Variants in KCTD1 observed in about 807,000 individuals in gnomAD.
The protein encoded by KCTD1 is BTB/POZ domain-containing protein KCTD1.
In KCTD1, 24 loss-of-function variants were observed where a neutral mutation model predicts 66.0. The observed-to-expected ratio is 0.36, with a 90% CI of 0.26 to 0.51. The LOEUF (loss-of-function observed/expected upper bound fraction) is 0.51, where lower values mean the gene tolerates loss of function less well. Among genes scored for constraint, KCTD1 ranks in the 20% least tolerant of loss-of-function variants. The probability of loss-of-function intolerance (pLI) is 0.95; values close to 1 mark genes in which losing one functional copy is unlikely to be tolerated. For missense variants in KCTD1, 943 were observed against 1,205.2 expected (o/e 0.78, Z 3.22); for synonymous variants, 511 against 517.2 (o/e 0.99, Z 0.16).
At chr18:26,599,746 G>C in intron 1 of KCTD1, 1 of 1,574,020 alleles carries the variant, frequency 6.4e-7, no homozygotes, top group African/African-American at 1.3e-5. Flanking sequence ...CAGCATCTAA[G>C]CTGTGTTCAC....
At chr18:26,525,579 C>T (rs1984118726) in intron 1 of KCTD1, among the ~76,000 whole-genome samples, 1 of 152,226 alleles carries the variant, frequency 6.6e-6, no homozygotes, top group Non-Finnish European at 1.5e-5. Flanking sequence ...TGGTCAGCCT[C>T]TTCCTGCCTT....
At position 26,476,582 on chromosome 18, in the gene KCTD1, C is replaced by T; in HGVS notation, c.2066G>A (p.Gly689Glu). 6.2e-7 allele frequency: 1 copy of T among 1,613,512 alleles called. No homozygotes were observed. Among genetic ancestry groups the T allele is most frequent in the Non-Finnish European group, 8.5e-7 (1 of 1,179,630 alleles). Residue 689 changes from glycine (G) to glutamate (E), a missense_variant, in exon 3 of 5, where the codon GGA (glycine) becomes GAA (glutamate). Gly to Glu is a moderately conservative substitution (Grantham distance 98). Transcript: ENST00000580059. This position sits in a 1 kb window ranked among gnomAD's most constrained non-coding sequence, Gnocchi z 4.9. ...LKQHYFIDRD[G>E]QMFRYILNFL... ...ATTCAAGATATATCTGAACATCTGT[C>T]CATCTCTGTCAATGAAATAGTGCTG...
At chr18:26,500,438 A>G (rs553224274) in intron 2 of KCTD1, among the ~76,000 whole-genome samples, 2 of 151,912 alleles carry the variant, frequency 1.3e-5, no homozygotes, top group East Asian at 1.9e-4. Context: ...TAATAATAAT[A>G]AAAAAAATGG....
upstream of KCTD1, among the ~76,000 whole-genome samples, chr18:26,550,012 C>T (rs1373231104): frequency 6.6e-6 from 1 of 152,154 alleles, no homozygotes; most frequent in East Asian, 1.9e-4. This position sits in a 1 kb window ranked among gnomAD's most constrained non-coding sequence, Gnocchi z 5.4. Flanking sequence ...AGGCCACTCT[C>T]GGAGCTCGTG....
chr18:26,619,706 T>C (rs1419936662), intron 1 of KCTD1, among the ~76,000 whole-genome samples: 2 of 152,108 alleles, frequency 1.3e-5, no homozygotes, highest in South Asian at 4.1e-4. Flanking sequence ...GCTTGTAAAA[T>C]AGAAGCACGG....
At chr18:26,649,729 C>T (rs11083177) in intron 1 of KCTD1, among the ~76,000 whole-genome samples, 10,535 of 152,128 alleles carry the variant, frequency 0.069, 651 homozygotes, top group East Asian at 0.29. Flanking sequence ...AGGATGGTCT[C>T]GATATCCTGA....
At chr18:26,502,574 G>A (rs963325756) in intron 1 of KCTD1, among the ~76,000 whole-genome samples, 1 of 152,090 alleles carries the variant, frequency 6.6e-6, no homozygotes, top group Non-Finnish European at 1.5e-5. Context: ...ATCAAAACAC[G>A]GTTGTTTGCT....
intron 1 of KCTD1, among the ~76,000 whole-genome samples, chr18:26,635,148 ATAT>A (rs548542702): frequency 1.4e-3 from 216 of 152,190 alleles, no homozygotes; most frequent in African/African-American, 4.5e-3. Flanking sequence ...TTGCATTAAA[ATAT>A]TATTTATCTC....
chr18:26,584,000 T>C (rs563088137), intron 1 of KCTD1, among the ~76,000 whole-genome samples: 2 of 152,214 alleles, frequency 1.3e-5, no homozygotes, highest in African/African-American at 4.8e-5. Flanking sequence ...AGTCCACAGA[T>C]CAAGAAATAA....
At chr18:26,562,450 G>T (rs868754745) in intron 1 of KCTD1, among the ~76,000 whole-genome samples, 12 of 150,870 alleles carry the variant, frequency 8.0e-5, no homozygotes, top group Admixed American at 2.0e-4. Flanking sequence ...GTGGGGGCGG[G>T]GGGTTCTCCC....
chr18:26,487,132 G>A (rs1402573653), intron 2 of KCTD1, among the ~76,000 whole-genome samples: 1 of 152,042 alleles, frequency 6.6e-6, no homozygotes, highest in Non-Finnish European at 1.5e-5. Flanking sequence ...ATCAGTCAAC[G>A]GAATATCTCT....
chr18:26,599,844 T>C (rs1260040076), intron 1 of KCTD1: 1 of 1,557,782 alleles, frequency 6.4e-7, no homozygotes, highest in Non-Finnish European at 8.9e-7. Flanking sequence ...GAGAACACCT[T>C]GGTCATGAAA....
At chr18:26,577,484 G>A (rs1020216084) in intron 1 of KCTD1, among the ~76,000 whole-genome samples, 2 of 152,048 alleles carry the variant, frequency 1.3e-5, no homozygotes, top group African/African-American at 4.8e-5. Context: ...CTTGAACAGG[G>A]CTCTCCTTTT....
chr18:26,471,796 T>G (rs1981076838), intron 3 of KCTD1, among the ~76,000 whole-genome samples: 1 of 152,174 alleles, frequency 6.6e-6, no homozygotes, highest in African/African-American at 2.4e-5. Context: ...AGTTGAATTT[T>G]TTAAAAGTGT....
intron 1 of KCTD1, chr18:26,543,628 C>A (rs1269627754): frequency 6.6e-6 from 1 of 152,258 alleles, no homozygotes; most frequent in African/African-American, 2.4e-5. Flanking sequence ...ACTATAAGGA[C>A]CAACGGCCCA....
chr18:26,512,122 G>C (rs1321471100), intron 1 of KCTD1, among the ~76,000 whole-genome samples: 1 of 151,850 alleles, frequency 6.6e-6, no homozygotes, highest in African/African-American at 2.4e-5. Context: ...CTTTTTTGTG[G>C]AGATGGAGTC....
chr18:26,634,877 A>C (rs954581115), intron 1 of KCTD1, among the ~76,000 whole-genome samples: 10 of 152,196 alleles, frequency 6.6e-5, no homozygotes, highest in Admixed American at 1.3e-4. Context: ...CACAAACCAC[A>C]CACAACTCTG....
At chr18:26,515,524 T>C (rs1349787365) in intron 1 of KCTD1, among the ~76,000 whole-genome samples, 1 of 150,766 alleles carries the variant, frequency 6.6e-6, no homozygotes, top group Non-Finnish European at 1.5e-5. Context: ...TTTTTTTTTT[T>C]TGAGATGGAG....
upstream of KCTD1, among the ~76,000 whole-genome samples, chr18:26,550,605 C>CACACACACACA (rs3220688): frequency 6.7e-6 from 1 of 149,984 alleles, no homozygotes; most frequent in African/African-American, 2.5e-5. The surrounding 1 kb of genome is among the most constrained non-coding windows in gnomAD (Gnocchi z 5.4). Context: ...CACACACACA[C>CACACACACACA]CACGCTCTCA....
Sources: allele counts gnomAD v4.1 joint callset (sites outside exome capture counted in the v4.1 genomes callset), GRCh38; gene constraint gnomAD v4.1.1; non-coding constraint Gnocchi (gnomAD v3.1); transcripts MANE v1.5; gene names NCBI Gene and HGNC (gene_info 2026-07-23, HGNC 2026-07-21).